The following FNDC3A variants were observed in gnomAD, a reference collection of about 807,000 sequenced individuals.
FNDC3A encodes fibronectin type III domain containing 3A.
Under a neutral mutation model 148.9 loss-of-function variants are expected in FNDC3A, and 32 were observed. That is an observed-to-expected ratio of 0.21 (90% CI 0.16 to 0.29). The LOEUF (loss-of-function observed/expected upper bound fraction) is 0.29. FNDC3A is among the 10% of genes least tolerant of loss of function. The pLI is 1.00. For missense variants in FNDC3A, 1,191 were observed against 1,452.8 expected, an observed-to-expected ratio of 0.82 and a Z score of 2.93; for synonymous variants, 472 against 473.6, an observed-to-expected ratio of 1.00 and a Z score of 0.04.
intron 2 of FNDC3A, among the ~76,000 whole-genome samples, chr13:49,068,716 T>C (rs1384630555): frequency 6.6e-6 from 1 of 152,194 alleles, no homozygotes; most frequent in Non-Finnish European, 1.5e-5. Context: ...TGGAATACTA[T>C]GCAGCCATAA....
At chr13:49,001,265 A>G (rs958948154) in intron 1 of FNDC3A, among the ~76,000 whole-genome samples, 7 of 152,186 alleles carry the variant, frequency 4.6e-5, no homozygotes, top group South Asian at 4.1e-4. Context: ...TCCCCAATCA[A>G]TACCCTTGTG....
chr13:49,153,929 G>A (rs1188149082), intron 8 of FNDC3A, among the ~76,000 whole-genome samples: 1 of 133,902 alleles, frequency 7.5e-6, no homozygotes, highest in South Asian at 2.7e-4. Flanking sequence ...TAGCCTTGTA[G>A]TATAGTTTGA....
chr13:49,136,261 T>C, intron 5 of FNDC3A, 71 bp from the exon 6 acceptor site: 1 of 1,302,508 alleles, frequency 7.7e-7, no homozygotes, highest in Non-Finnish European at 1.1e-6. Flanking sequence ...TTATTTTCTG[T>C]TCTTTTTTCA....
Position 49,017,411 on chromosome 13 carries a change from C to G in FNDC3A, c.99+11122C>G, listed in dbSNP as rs1212516361. ...TGGTTTAAAGTCGTTTTATTAGATA[C>G]TAGGATTGCAACCCCTGCCTTTTTT... On this transcript the variant is annotated intron_variant, in intron 2 of 25. Transcript: ENST00000492622. Among the ~76,000 whole-genome samples the G allele has an allele frequency of 3.9e-5, 6 of 152,106 alleles. No homozygotes were observed. The East Asian group carries it at 9.6e-4, about 24-fold the overall frequency.
intron 3 of FNDC3A, among the ~76,000 whole-genome samples, chr13:49,109,597 C>G (rs1000656295): frequency 1.1e-4 from 16 of 152,122 alleles, no homozygotes; most frequent in African/African-American, 3.9e-4. Flanking sequence ...CTTTGGTCTC[C>G]TTTCTGGTCT....
rs118089813 is a variant in FNDC3A at position 49,004,839 on chromosome 13, A to G, written c.-39-1313A>G. 2.6e-4 allele frequency among the ~76,000 whole-genome samples: 39 copies of G among 152,002 alleles called. No individual in the cohort carries two copies. The East Asian group carries it at 7.1e-3, about 28-fold the overall frequency. On this transcript the variant is annotated intron_variant, in intron 1 of 25. Coordinates refer to ENST00000492622, the MANE Select transcript of FNDC3A (RefSeq NM_001079673.2). ...TTAGCTTCCTGGAAATGTTTCTTAC[A>G]CTAACTCTTGTGATATGCAAGTGGG...
At chr13:49,039,718 T>G (rs1874776689) in intron 2 of FNDC3A, among the ~76,000 whole-genome samples, 1 of 152,156 alleles carries the variant, frequency 6.6e-6, no homozygotes, top group Non-Finnish European at 1.5e-5. Flanking sequence ...TGTTTTTTGT[T>G]TTTTGTTTTT....
At chr13:48,989,726 ACAT>A (rs1951874279) in intron 1 of FNDC3A, among the ~76,000 whole-genome samples, 2 of 152,050 alleles carry the variant, frequency 1.3e-5, no homozygotes, top group Admixed American at 1.3e-4. Flanking sequence ...CTGCTAAAAC[ACAT>A]CATAATCAAA....
chr13:49,134,841 CTTTTTTTTTTTTTT>C (rs1168216037), intron 5 of FNDC3A, among the ~76,000 whole-genome samples: 59 of 2,640 alleles, frequency 0.022, 2 homozygotes, highest in South Asian at 0.11. Context: ...GAGTTTCACT[CTTTTTTTTTTTTTT>C]TTTTTTTTTT....
chr13:49,029,124 C>A (rs528722465), intron 2 of FNDC3A, among the ~76,000 whole-genome samples: 4 of 152,120 alleles, frequency 2.6e-5, no homozygotes, highest in Non-Finnish European at 5.9e-5. Flanking sequence ...CAGATGTGCA[C>A]CACCATGCCA....
chr13:49,029,602 T>C (rs1412156920), intron 2 of FNDC3A, among the ~76,000 whole-genome samples: 3 of 151,996 alleles, frequency 2.0e-5, no homozygotes, highest in Non-Finnish European at 4.4e-5. Flanking sequence ...CAGAAAAATA[T>C]AGAAAATCAA....
At chr13:49,012,149 T>C (rs1952360946) in intron 2 of FNDC3A, among the ~76,000 whole-genome samples, 1 of 152,052 alleles carries the variant, frequency 6.6e-6, no homozygotes, top group Non-Finnish European at 1.5e-5. Context: ...GGAGTCTTGC[T>C]CTGTCACGCA....
chr13:49,152,017 T>C (rs1883329816), intron 8 of FNDC3A, among the ~76,000 whole-genome samples: 1 of 152,246 alleles, frequency 6.6e-6, no homozygotes, highest in African/African-American at 2.4e-5. Flanking sequence ...CTTGCTATTG[T>C]GAATAGTGCC....
chr13:49,147,211 G>T (rs1883044701), intron 8 of FNDC3A, among the ~76,000 whole-genome samples: 1 of 152,140 alleles, frequency 6.6e-6, no homozygotes, highest in Non-Finnish European at 1.5e-5. Context: ...GTTAATGACT[G>T]TTTTTTAGTT....
At chr13:49,078,605 T>C (rs1376139008) in intron 3 of FNDC3A, among the ~76,000 whole-genome samples, 5 of 152,202 alleles carry the variant, frequency 3.3e-5, no homozygotes, top group Admixed American at 2.6e-4. Flanking sequence ...GTGGAAGGAA[T>C]AGTAGTGAGC....
At chr13:49,060,837 T>C (rs1477024378) in intron 2 of FNDC3A, among the ~76,000 whole-genome samples, 1 of 151,994 alleles carries the variant, frequency 6.6e-6, no homozygotes, top group East Asian at 1.9e-4. Flanking sequence ...GGGCTCGGAA[T>C]AGGGTAGAAT....
intron 11 of FNDC3A, among the ~76,000 whole-genome samples, chr13:49,172,497 G>A (rs1884807725): frequency 6.6e-6 from 1 of 152,114 alleles, no homozygotes; most frequent in Non-Finnish European, 1.5e-5. Context: ...GTGTCAGCAT[G>A]GCCAGGCCCT....
At chr13:49,014,442 GTTGT>G (rs1593471399) in intron 2 of FNDC3A, among the ~76,000 whole-genome samples, 1 of 107,802 alleles carries the variant, frequency 9.3e-6, no homozygotes, top group Non-Finnish European at 1.9e-5. Flanking sequence ...TTTTGATGGG[GTTGT>G]TTGTTTTTTT....
chr13:49,158,079 C>G (rs1460293386), intron 8 of FNDC3A, among the ~76,000 whole-genome samples: 1 of 152,208 alleles, frequency 6.6e-6, no homozygotes, highest in African/African-American at 2.4e-5. Flanking sequence ...GCTTTGTTTA[C>G]CTAAGCAAGC....
Sources: gnomAD v4.1 joint callset for allele counts (sites outside exome capture counted in the v4.1 genomes callset) on GRCh38, gnomAD v4.1.1 for gene constraint, MANE v1.5 for transcripts, NCBI Gene and HGNC (gene_info 2026-07-23, HGNC 2026-07-21) for gene names.